Variants in EPHA6 observed in about 807,000 individuals in gnomAD.
The protein encoded by EPHA6 is ephrin type-A receptor 6.
EPHA6 carries 50 observed loss-of-function variants against 112.0 expected under a neutral mutation model. The ratio of observed to expected loss-of-function variants is 0.45; its 90% CI spans 0.36 to 0.56. The LOEUF is 0.56. EPHA6 is among the 20% of genes least tolerant of loss of function. EPHA6 has a pLI of 0.00. For missense variants in EPHA6, 1,280 were observed against 1,417.4 expected (o/e 0.90, Z 1.56); for synonymous variants, 529 against 490.7 (o/e 1.08, Z -1.03).
At chr3:97,075,785 T>C (rs1249126074) in intron 3 of EPHA6, among the ~76,000 whole-genome samples, 1 of 152,068 alleles carries the variant, frequency 6.6e-6, no homozygotes, top group Non-Finnish European at 1.5e-5. Flanking sequence ...CAATAGAATG[T>C]ATTTACTTGG....
chr3:97,037,867 G>A (rs918236834), intron 3 of EPHA6, among the ~76,000 whole-genome samples: 1 of 151,978 alleles, frequency 6.6e-6, no homozygotes, highest in Non-Finnish European at 1.5e-5. Flanking sequence ...TTGGGTAAGA[G>A]GAGAAAGTGT....
intron 3 of EPHA6, among the ~76,000 whole-genome samples, chr3:97,142,059 G>A (rs941170102): frequency 2.0e-5 from 3 of 151,890 alleles, no homozygotes; most frequent in African/African-American, 7.2e-5. Context: ...TTTAGTGGTG[G>A]TATTTCCATT....
chr3:97,364,412 A>G (rs1051521462), intron 5 of EPHA6, among the ~76,000 whole-genome samples: 2 of 151,242 alleles, frequency 1.3e-5, no homozygotes, highest in African/African-American at 4.9e-5. Context: ...GTATTTCAGG[A>G]GACATCAAGA....
At chr3:97,315,094 C>G (rs140907865) in intron 5 of EPHA6, among the ~76,000 whole-genome samples, 1 of 151,692 alleles carries the variant, frequency 6.6e-6, no homozygotes, top group East Asian at 1.9e-4. Flanking sequence ...AAAAAGTTCT[C>G]TCTGCAGAAG....
At position 96,994,732 on chromosome 3, in the gene EPHA6, T is replaced by TATATATATATATAG. The variant is rs1170197805; in HGVS notation, c.1114+6740_1114+6741insTATATATATATAGA. 8.5e-5 allele frequency among the ~76,000 whole-genome samples: 7 copies of TATATATATATATAG among 82,204 alleles called. No individual in the cohort carries two copies. In the East Asian group the frequency reaches 1.6e-3, roughly 19 times the overall value. The allele number at this position is 82,204 out of a possible 152,430, so 53.9% of individuals were successfully genotyped here. A position where few individuals can be genotyped will look rare whatever the true frequency, so the allele number is the denominator to read the frequency against. On this transcript the variant is annotated intron_variant, in intron 3 of 17. Transcript: ENST00000389672. Reference sequence around the variant, plus strand: ...GTGTATATATATATATATATATATATAGAGAGAGAGAGAGAGAGAGAGAGA... The same window carrying TATATATATATATAG: ...GTGTATATATATATATATATATATATATATATATATATAGAGAGAGAGAGAGAGAGAGAGAGAGA...
intron 5 of EPHA6, among the ~76,000 whole-genome samples, chr3:97,398,372 G>T (rs947078726): frequency 1.3e-5 from 2 of 151,270 alleles, no homozygotes; most frequent in African/African-American, 2.4e-5. Context: ...CATCAAGCAC[G>T]ATTTAATATA....
chr3:97,057,756 A>G (rs768203456), intron 3 of EPHA6, among the ~76,000 whole-genome samples: 1 of 152,238 alleles, frequency 6.6e-6, no homozygotes. Flanking sequence ...TGAGCTAGAT[A>G]TTAATTCTCC....
chr3:97,273,589 C>T (rs1483552068), intron 5 of EPHA6, among the ~76,000 whole-genome samples: 2 of 152,150 alleles, frequency 1.3e-5, no homozygotes, highest in African/African-American at 4.8e-5. Flanking sequence ...TTGTCCATTC[C>T]TTTTTAAGTT....
intron 5 of EPHA6, among the ~76,000 whole-genome samples, chr3:97,337,035 C>G (rs993517230): frequency 2.0e-5 from 3 of 151,892 alleles, no homozygotes; most frequent in Non-Finnish European, 2.9e-5. Context: ...ACAATGTTCT[C>G]TCTACATCTC....
chr3:97,126,808 T>C (rs1034110638), intron 3 of EPHA6, among the ~76,000 whole-genome samples: 1 of 151,262 alleles, frequency 6.6e-6, no homozygotes, highest in African/African-American at 2.4e-5. Context: ...GTTCTGCAGA[T>C]GTTTAAATGT....
intron 10 of EPHA6, among the ~76,000 whole-genome samples, chr3:97,510,188 G>A (rs1268048806): frequency 6.6e-6 from 1 of 152,152 alleles, no homozygotes; most frequent in African/African-American, 2.4e-5. Flanking sequence ...GCCTGCTTCT[G>A]CCTATTTGTC....
At chr3:97,614,975 T>C (rs1307578369) in intron 13 of EPHA6, among the ~76,000 whole-genome samples, 1 of 152,158 alleles carries the variant, frequency 6.6e-6, no homozygotes, top group Non-Finnish European at 1.5e-5. Flanking sequence ...GGGACCAAGA[T>C]GGCTGACTAG....
chr3:97,649,826 T>A (rs2094094970), intron 14 of EPHA6, among the ~76,000 whole-genome samples: 2 of 151,536 alleles, frequency 1.3e-5, no homozygotes, highest in Admixed American at 6.6e-5. Flanking sequence ...ATGCTAGTAG[T>A]CAATCAAAAC....
chr3:96,945,388 G>C (rs181037819), intron 2 of EPHA6, among the ~76,000 whole-genome samples: 2 of 152,226 alleles, frequency 1.3e-5, no homozygotes, highest in Admixed American at 1.3e-4. Context: ...TGCAAAGCCA[G>C]GCAAATTCCA....
At chr3:97,063,354 T>C (rs914895366) in intron 3 of EPHA6, among the ~76,000 whole-genome samples, 2 of 152,192 alleles carry the variant, frequency 1.3e-5, no homozygotes, top group African/African-American at 4.8e-5. Context: ...ATATACACCA[T>C]GGAATACTAT....
At chr3:97,677,582 A>G (rs1406948320) in intron 14 of EPHA6, among the ~76,000 whole-genome samples, 1 of 152,010 alleles carries the variant, frequency 6.6e-6, no homozygotes, top group Non-Finnish European at 1.5e-5. Flanking sequence ...TTAGCCAGGC[A>G]TGGTGGCAGG....
intron 10 of EPHA6, among the ~76,000 whole-genome samples, chr3:97,495,305 A>T (rs896065850): frequency 1.3e-5 from 2 of 150,926 alleles, no homozygotes; most frequent in African/African-American, 4.9e-5. Context: ...TAATTCATAT[A>T]TAAAAATATG....
chr3:97,423,126 C>T (rs930443168), intron 6 of EPHA6, among the ~76,000 whole-genome samples: 1 of 152,030 alleles, frequency 6.6e-6, no homozygotes. Flanking sequence ...CCATGCCTAT[C>T]CAAAATACTA....
intron 14 of EPHA6, among the ~76,000 whole-genome samples, chr3:97,653,058 C>A (rs1187612221): frequency 6.6e-6 from 1 of 151,836 alleles, no homozygotes. Context: ...TTTGGGGCCC[C>A]AATAATCATA....
Sources: gnomAD v4.1 joint callset for allele counts (sites outside exome capture counted in the v4.1 genomes callset) on GRCh38, gnomAD v4.1.1 for gene constraint, MANE v1.5 for transcripts, NCBI Gene and HGNC (gene_info 2026-07-23, HGNC 2026-07-21) for gene names.